Variants in LETMD1 observed in about 807,000 individuals in gnomAD.
LETMD1 encodes the protein LETM1 domain containing 1, also known as LETM1 domain-containing protein 1.
LETMD1 carries 30 observed loss-of-function variants against 43.9 expected under a neutral mutation model. The ratio of observed to expected loss-of-function variants is 0.68; its 90% CI spans 0.51 to 0.93. LETMD1 has a LOEUF of 0.93. LETMD1 is among the 40% of genes least tolerant of loss of function. LETMD1 has a pLI of 0.00. For synonymous variants in LETMD1, 176 were observed against 163.1 expected (o/e 1.08, Z -0.60); for missense variants, 413 against 447.7 (o/e 0.92, Z 0.70).
downstream of LETMD1, chr12:51,063,702 G>T: frequency 7.1e-7 from 1 of 1,407,058 alleles, no homozygotes; most frequent in East Asian, 2.4e-5. Context: ...ATAAAATAAG[G>T]GAATAAATAG....
chr12:51,049,301 A>G (rs1051106775), intron 2 of LETMD1, 116 bp downstream of exon 2: 36 of 860,378 alleles, frequency 4.2e-5, no homozygotes, highest in Non-Finnish European at 3.5e-6. Flanking sequence ...GAGATATCTT[A>G]TATTTCATAA....
downstream of LETMD1, among the ~76,000 whole-genome samples, chr12:51,060,795 A>G (rs546585922): frequency 4.8e-3 from 728 of 151,118 alleles, 7 homozygotes; most frequent in African/African-American, 0.016. Flanking sequence ...CCAGCTACTC[A>G]GGAGGCTGAG....
Position 51,051,405 on chromosome 12 carries a change from A to G in LETMD1, c.275-687A>G, listed in dbSNP as rs1946095971. Among the ~76,000 whole-genome samples the G allele has an allele frequency of 2.6e-5, 4 of 151,462 alleles. 1 individual carries two copies. In the South Asian group the frequency reaches 8.4e-4, roughly 32 times the overall value. Reference sequence around the variant, plus strand: ...GGCGACAGAGCAAAACTCCATCTCAAAAACAAAAATAAGTGTTCCAGGCCG... The same window carrying G: ...GGCGACAGAGCAAAACTCCATCTCAGAAACAAAAATAAGTGTTCCAGGCCG... On this transcript the variant is annotated intron_variant, in intron 2 of 8. Transcript: ENST00000262055.
chr12:51,066,729 G>T, the LETMD1 span, among the ~76,000 whole-genome samples: 4 of 151,944 alleles, frequency 2.6e-5, no homozygotes, highest in Non-Finnish European at 2.9e-5. Context: ...GTCTGATCCT[G>T]AATTATAAAG....
At chr12:51,060,880 C>T (rs185779097), downstream of LETMD1, among the ~76,000 whole-genome samples, 26 of 131,738 alleles carry the variant, frequency 2.0e-4, no homozygotes, top group East Asian at 5.6e-3. Flanking sequence ...CCAGTCTGGG[C>T]GACAGAATGA....
downstream of LETMD1, chr12:51,061,417 G>A (rs1948826388): frequency 6.6e-6 from 1 of 152,626 alleles, no homozygotes; most frequent in Non-Finnish European, 1.5e-5. Flanking sequence ...TCTAGGCCTA[G>A]ACTGGGACTG....
Position 51,056,251 on chromosome 12 carries a change from C to T in LETMD1, c.762+6C>T. On this transcript the variant is annotated splice_donor_region_variant and intron_variant, in intron 6 of 8. Coordinates refer to ENST00000262055, the MANE Select transcript of LETMD1 (RefSeq NM_015416.5). Reference sequence around the variant, plus strand: ...AACTCCAGGCTTTGCACGTGGTGAGCACTTTGAGGGCTTCTCTTTTCCATA... The same window carrying T: ...AACTCCAGGCTTTGCACGTGGTGAGTACTTTGAGGGCTTCTCTTTTCCATA... The T allele has an allele frequency of 6.2e-7, 1 of 1,613,980 alleles. No individual in the cohort carries two copies. Among genetic ancestry groups the T allele is most frequent in the South Asian group, 1.1e-5 (1 of 91,082 alleles).
intron 3 of LETMD1, among the ~76,000 whole-genome samples, chr12:51,053,454 C>T (rs1946737265): frequency 6.6e-6 from 1 of 152,160 alleles, no homozygotes. Context: ...ACCAGCTTGT[C>T]CAACATGGTG....
intron 7 of LETMD1, chr12:51,057,682 G>GGCATGATCT (rs1948120319): frequency 7.1e-6 from 2 of 283,680 alleles, no homozygotes; most frequent in South Asian, 7.6e-5. Flanking sequence ...CTGGAGTGCA[G>GGCATGATCT]TGGCATGATC....
At chr12:51,049,463 A>C in intron 2 of LETMD1, 1 of 332,518 alleles carries the variant, frequency 3.0e-6, no homozygotes, top group Non-Finnish European at 5.6e-6. Context: ...TGGCTATAGT[A>C]GAAATTTTTT....
the LETMD1 span, among the ~76,000 whole-genome samples, chr12:51,065,960 A>G: frequency 6.6e-6 from 1 of 152,184 alleles, no homozygotes; most frequent in South Asian, 2.1e-4. Context: ...TTCCAGATAA[A>G]TTTCATTCTT....
chr12:51,048,249 C>T, upstream of LETMD1: 1 of 1,468,516 alleles, frequency 6.8e-7, no homozygotes, highest in Non-Finnish European at 9.5e-7. Flanking sequence ...CAGGCTATGG[C>T]TACCAATCAG....
rs1176504798 is a variant in LETMD1 at position 51,059,650 on chromosome 12, G to A, written c.*219G>A. On this transcript the variant is annotated 3_prime_UTR_variant, in exon 9 of 9. Transcript: ENST00000262055. ...CAAACCCTCTTGCTAGGGGTGGTCC[G>A]TGTGAGGTGTCATCCTGTCCCCCTC... 9.0e-6 allele frequency: 5 copies of A among 554,484 alleles called. No individual in the cohort carries two copies. In the East Asian group the frequency reaches 9.6e-5, roughly 11 times the overall value. The allele number at this position is 554,484 out of a possible 1,614,324, so 34.3% of individuals were successfully genotyped here. A position where few individuals can be genotyped will look rare whatever the true frequency, so the allele number is the denominator to read the frequency against.
At chr12:51,058,762 A>T (rs1264436409) in intron 8 of LETMD1, 4 of 160,532 alleles carry the variant, frequency 2.5e-5, no homozygotes, top group Non-Finnish European at 5.5e-5. Flanking sequence ...CAGTATCCCT[A>T]GCCTCTACCC....
rs1947550975 is a variant in LETMD1, at chr12:51,055,889, A to G, written c.528A>G (p.Gln176=). ...LIRHFWTPKQ[Q]TDFLDIYHAF... Reference sequence around the variant, plus strand: ...GGCATTTCTGGACCCCAAAACAACAAACTGATTTCTTAGATATCTATCATG... The same window carrying G: ...GGCATTTCTGGACCCCAAAACAACAGACTGATTTCTTAGATATCTATCATG... The change falls in exon 5 of 9, where the codon CAA becomes CAG. Residue 176 remains glutamine, a synonymous_variant. Transcript: ENST00000262055. 6.2e-7 allele frequency: 1 copy of G among 1,613,884 alleles called. No individual in the cohort carries two copies. Among genetic ancestry groups the G allele is most frequent in the Non-Finnish European group, 8.5e-7 (1 of 1,179,930 alleles).
In LETMD1 at chr12:51,059,493, C is replaced by T. The variant is rs887300438; in HGVS notation, c.*62C>T. The T allele has an allele frequency of 2.1e-6, 3 of 1,398,164 alleles. No individual in the cohort carries two copies. The Admixed American group carries it at 5.1e-5, about 24-fold the overall frequency. The allele number at this position is 1,398,164 out of a possible 1,614,324, so 86.6% of individuals were successfully genotyped here. ...TATAGTATAGCAGTGCAGGAACAAA[C>T]AGCACTTGCCAGCAAAGTCTGTGTG... On this transcript the variant is annotated 3_prime_UTR_variant, in exon 9 of 9. Coordinates refer to ENST00000262055, the MANE Select transcript of LETMD1 (RefSeq NM_015416.5).
chr12:51,049,929 A>C (rs1945504068), intron 2 of LETMD1, among the ~76,000 whole-genome samples: 1 of 152,250 alleles, frequency 6.6e-6, no homozygotes, highest in Non-Finnish European at 1.5e-5. Context: ...AATGTTACCT[A>C]ACAGTATTAT....
chr12:51,063,663 T>C, downstream of LETMD1: 2 of 1,076,312 alleles, frequency 1.9e-6, no homozygotes, highest in Non-Finnish European at 2.6e-6. Flanking sequence ...AGCAGCTGCT[T>C]CTACAGTTTT....
rs200143448 is a variant in LETMD1 at position 51,059,473 on chromosome 12, T to C, written c.*42T>C. The C allele has an allele frequency of 4.4e-5, 68 of 1,559,548 alleles. No individual in the cohort carries two copies. The African/African-American group carries it at 8.9e-4, about 20-fold the overall frequency. ...ATGGCATTGTCCTGCAGTCGTATAG[T>C]ATAGCAGTGCAGGAACAAACAGCAC... On this transcript the variant is annotated 3_prime_UTR_variant, in exon 9 of 9. Coordinates refer to ENST00000262055, the MANE Select transcript of LETMD1 (RefSeq NM_015416.5).
Sources: allele counts gnomAD v4.1 joint callset (sites outside exome capture counted in the v4.1 genomes callset), GRCh38; gene constraint gnomAD v4.1.1; transcripts MANE v1.5; gene names NCBI Gene and HGNC (gene_info 2026-07-23, HGNC 2026-07-21).